ZDHHC15: variants seen among roughly 807,000 people sequenced by gnomAD.
ZDHHC15 encodes zDHHC palmitoyltransferase 15, also known as palmitoyltransferase ZDHHC15.
ZDHHC15 carries 19 observed loss-of-function variants against 31.7 expected under a neutral mutation model. The ratio of observed to expected loss-of-function variants is 0.60; its 90% CI spans 0.42 to 0.88. The LOEUF (loss-of-function observed/expected upper bound fraction) is 0.88. ZDHHC15 is among the 40% of genes least tolerant of loss of function. ZDHHC15 has a pLI of 0.00. For missense variants in ZDHHC15, 209 were observed against 251.2 expected (o/e 0.83, Z 1.14); for synonymous variants, 103 against 90.0 (o/e 1.14, Z -0.82).
intron 10 of ZDHHC15, among the ~76,000 whole-genome samples, chrX:75,401,681 G>C (rs2083359840): frequency 1.8e-5 from 2 of 112,152 alleles, no homozygotes; most frequent in South Asian, 7.4e-4. Flanking sequence ...GATTCAACAA[G>C]AAGATCCTAA....
chrX:75,400,158 G>A lies in ZDHHC15; in HGVS notation c.967+16929C>T, dbSNP rs775532265. Among the ~76,000 whole-genome samples the A allele has an allele frequency of 8.1e-5, 9 of 111,427 alleles. No homozygotes were observed. The South Asian group carries it at 2.7e-3, about 33-fold the overall frequency. On this transcript the variant is annotated intron_variant, in intron 10 of 11. Transcript: ENST00000373367. ...GCTGGAATGACAGACGTAGAATTCG[G>A]AATATGCATAGGAACAAAAATCATC...
chrX:75,421,914 C>T lies in ZDHHC15; in HGVS notation c.813G>A (p.Gln271=), dbSNP rs1188309280. The change falls in exon 9 of 12, where the codon CAG becomes CAA. Residue 271 remains glutamine, a synonymous_variant. Coordinates refer to ENST00000373367, the MANE Select transcript of ZDHHC15 (RefSeq NM_144969.3). ...GFNLGFIKNI[Q]QVFGDKKKFW... ...ACTTCTTCTTATCTCCAAACACCTG[C>T]TGGATATTCTTGATGAAGCCAAGGT... The T allele has an allele frequency of 6.6e-6, 8 of 1,208,389 alleles. No individual in the cohort carries two copies. The highest frequency in any genetic ancestry group is 8.9e-6 in the Non-Finnish European group (8 of 894,373).
chrX:75,460,512 G>T (rs781719493), intron 3 of ZDHHC15, among the ~76,000 whole-genome samples: 4 of 110,482 alleles, frequency 3.6e-5, no homozygotes, highest in African/African-American at 6.6e-5. Context: ...GGGGTCTCGA[G>T]ATACCTCCTA....
chrX:75,467,445 A>C (rs2084424565), intron 3 of ZDHHC15, among the ~76,000 whole-genome samples: 1 of 112,339 alleles, frequency 8.9e-6, no homozygotes, highest in African/African-American at 3.2e-5. Context: ...CCTTATTGAA[A>C]ACTTATAATA....
chrX:75,425,902 T>A (rs564566379), intron 7 of ZDHHC15, among the ~76,000 whole-genome samples: 118 of 111,473 alleles, frequency 1.1e-3, no homozygotes, highest in Middle Eastern at 4.6e-3. Context: ...TACTGAAGGA[T>A]GAAGATAAGC....
chrX:75,506,192 T>C (rs2085159424), intron 1 of ZDHHC15, among the ~76,000 whole-genome samples: 1 of 111,994 alleles, frequency 8.9e-6, no homozygotes, highest in Non-Finnish European at 1.9e-5. Context: ...AAACATGCTT[T>C]CTTTTTTTTA....
intron 10 of ZDHHC15, among the ~76,000 whole-genome samples, chrX:75,394,855 C>T (rs1040967204): frequency 9.0e-5 from 10 of 111,705 alleles, no homozygotes; most frequent in African/African-American, 2.6e-4. Flanking sequence ...TAATATGCAC[C>T]ACAGATGAAG....
intron 4 of ZDHHC15, among the ~76,000 whole-genome samples, chrX:75,449,402 A>C (rs955687577): frequency 1.8e-5 from 2 of 111,402 alleles, no homozygotes; most frequent in Non-Finnish European, 3.8e-5. Flanking sequence ...GGTCCCAGAG[A>C]ATAGTCAGTA....
At chrX:75,451,036 G>T (rs2084108831) in intron 3 of ZDHHC15, 114 bp from the exon 4 acceptor site, 1 of 894,833 alleles carries the variant, frequency 1.1e-6, no homozygotes, top group South Asian at 2.8e-5. Context: ...TTGAAGCTCA[G>T]GTACCACTTA....
At chrX:75,395,257 G>C (rs2147784659) in intron 10 of ZDHHC15, among the ~76,000 whole-genome samples, 1 of 111,317 alleles carries the variant, frequency 9.0e-6, no homozygotes, top group Admixed American at 9.5e-5. Flanking sequence ...AATGGAAAAA[G>C]TCAAGTTATC....
chrX:75,453,978 C>A (rs1363789172), intron 3 of ZDHHC15, among the ~76,000 whole-genome samples: 2 of 111,531 alleles, frequency 1.8e-5, no homozygotes, highest in African/African-American at 6.5e-5. Context: ...AAAACTGGCA[C>A]AAGACAGGGA....
chrX:75,478,643 T>G (rs1419169144), intron 3 of ZDHHC15, among the ~76,000 whole-genome samples: 1 of 111,410 alleles, frequency 9.0e-6, no homozygotes, highest in African/African-American at 3.3e-5. Context: ...CCTCCAAAAT[T>G]GTTGGGAATA....
chrX:75,375,372 G>A (rs945136301), intron 11 of ZDHHC15, among the ~76,000 whole-genome samples: 1 of 112,003 alleles, frequency 8.9e-6, no homozygotes, highest in Non-Finnish European at 1.9e-5. Context: ...TTTGTTGATT[G>A]TTTGCATCCT....
chrX:75,408,979 A>G (rs747265832), intron 10 of ZDHHC15, among the ~76,000 whole-genome samples: 4 of 112,489 alleles, frequency 3.6e-5, no homozygotes, highest in Non-Finnish European at 7.5e-5. Context: ...TTTCATGTGC[A>G]TGGATTGGAA....
intron 2 of ZDHHC15, among the ~76,000 whole-genome samples, chrX:75,486,092 T>A (rs753420488): frequency 8.9e-6 from 1 of 112,183 alleles, no homozygotes; most frequent in African/African-American, 3.2e-5. Context: ...GCAAATGCCA[T>A]GAGACAGCTG....
intron 4 of ZDHHC15, among the ~76,000 whole-genome samples, chrX:75,447,284 T>C (rs1025520772): frequency 1.8e-5 from 2 of 112,414 alleles, no homozygotes; most frequent in African/African-American, 6.5e-5. Flanking sequence ...CTTACTGGAA[T>C]AGACACTTTG....
chrX:75,398,602 C>A (rs906191804), intron 10 of ZDHHC15, among the ~76,000 whole-genome samples: 1 of 111,771 alleles, frequency 8.9e-6, no homozygotes, highest in African/African-American at 3.3e-5. Flanking sequence ...CAAAACATGG[C>A]CAAACTGCCT....
intron 10 of ZDHHC15, among the ~76,000 whole-genome samples, chrX:75,393,863 A>G (rs779711648): frequency 6.7e-4 from 75 of 112,080 alleles, no homozygotes; most frequent in Middle Eastern, 4.6e-3. Flanking sequence ...CCAAGTTACA[A>G]AACTGAAGAA....
chrX:75,443,810 T>C (rs2083984140), intron 4 of ZDHHC15, among the ~76,000 whole-genome samples: 1 of 111,971 alleles, frequency 8.9e-6, no homozygotes, highest in Non-Finnish European at 1.9e-5. Flanking sequence ...GGGCGAAGGA[T>C]ATGAATAGAC....
Sources: allele counts gnomAD v4.1 joint callset (sites outside exome capture counted in the v4.1 genomes callset), GRCh38; gene constraint gnomAD v4.1.1; transcripts MANE v1.5; gene names NCBI Gene and HGNC (gene_info 2026-07-23, HGNC 2026-07-21).